The following SLC26A2 variants were observed in gnomAD, a reference collection of about 807,000 sequenced individuals.
SLC26A2 encodes the protein sulfate transporter.
In SLC26A2, 36 loss-of-function variants were observed where a neutral mutation model predicts 41.1. The observed-to-expected ratio is 0.88, with a 90% CI of 0.67 to 1.16. The LOEUF is 1.16. Among genes scored for constraint, SLC26A2 ranks in the 50% most tolerant of loss-of-function variants. SLC26A2 has a pLI of 0.00. For synonymous variants in SLC26A2, 291 were observed against 311.6 expected (o/e 0.93, Z 0.70); for missense variants, 796 against 869.6 (o/e 0.92, Z 1.07).
At position 149,980,958 on chromosome 5, in the gene SLC26A2, T is replaced by C; in HGVS notation, c.1365T>C (p.Leu455=). 1 of 1,614,176 alleles carries C rather than the reference T, an allele frequency of 6.2e-7. No individual in the cohort carries two copies. The highest frequency in any genetic ancestry group is 1.7e-5 in the Admixed American group (1 of 60,034). ...AATCAACAGGCTGCCATACTCAGCT[T>C]TCTGGTGTGGTAACAGCCCTGGTTC... ...VKESTGCHTQ[L]SGVVTALVLL... is the part of the protein sequence containing the mutation. The change falls in exon 3 of 3, where the codon CTT becomes CTC. Residue 455 remains leucine (L), a synonymous_variant. Coordinates refer to ENST00000286298, the MANE Select transcript of SLC26A2 (RefSeq NM_000112.4).
intron 1 of SLC26A2, among the ~76,000 whole-genome samples, chr5:149,971,335 T>G (rs1407874675): frequency 1.3e-5 from 2 of 152,182 alleles, no homozygotes; most frequent in Non-Finnish European, 2.9e-5. Flanking sequence ...AGTTAGAGGA[T>G]CCGATGGTAC....
intron 1 of SLC26A2, among the ~76,000 whole-genome samples, chr5:149,971,863 A>T (rs1754911829): frequency 6.6e-6 from 1 of 152,204 alleles, no homozygotes; most frequent in African/African-American, 2.4e-5. Context: ...ACTTTCTCAA[A>T]ATCTTTCAGG....
chr5:149,978,566 C>T lies in SLC26A2; in HGVS notation c.699+215C>T, dbSNP rs115196087. Among the ~76,000 whole-genome samples the T allele has an allele frequency of 1.4e-3, 207 of 152,242 alleles. 4 individuals carry two copies. In the South Asian group the frequency reaches 0.036, roughly 27 times the overall value. On this transcript the variant is annotated intron_variant, in intron 2 of 2. Coordinates refer to ENST00000286298, the MANE Select transcript of SLC26A2 (RefSeq NM_000112.4). ...GGACCTCCACCACCCAGTACAACTC[C>T]TTAATTTTACATGTCAGAAAATCTT... is the stretch of plus-strand genomic sequence containing the variant.
chr5:149,981,011 CT>C lies in SLC26A2; in HGVS notation c.1421del (p.Leu474CysfsTer12), dbSNP rs780990131. 1 of 1,614,112 alleles carries C rather than the reference CT, an allele frequency of 6.2e-7. No homozygotes were observed. Among genetic ancestry groups the C allele is most frequent in the Admixed American group, 1.7e-5 (1 of 60,024 alleles). On this transcript the variant is annotated frameshift_variant, in exon 3 of 3. Transcript: ENST00000286298. LOFTEE classifies it high-confidence loss of function. ...TTGTTGGTCCTCCTAGTAATAGCTC[CT>C]TTGTTCTATTCCCTTCAAAAAAGTG... ...VLLLVLLVIA[P>X]LFYSLQKSVL...
Position 149,978,010 on chromosome 5 carries a change from A to C in SLC26A2, c.358A>C (p.Ile120Leu), listed in dbSNP as rs1488632635. ...TGTGATGTCAGGCTTGATTGTGGGC[A>C]TATTATTGGTGCCCCAGTCCATTGC... is the stretch of plus-strand genomic sequence containing the variant. The part of the protein sequence containing the change: ...GDVMSGLIVG[I>L]LLVPQSIAYS... Residue 120 changes from isoleucine to leucine, a missense_variant, in exon 2 of 3, where the codon ATA becomes CTA. Ile to Leu is a conservative substitution (Grantham distance 5, BLOSUM62 2). Coordinates refer to ENST00000286298, the MANE Select transcript of SLC26A2 (RefSeq NM_000112.4). 2 of 1,614,152 alleles carry C rather than the reference A, an allele frequency of 1.2e-6. No individual in the cohort carries two copies. Among genetic ancestry groups the C allele is most frequent in the Non-Finnish European group, 1.7e-6 (2 of 1,180,002 alleles).
chr5:149,969,464 C>CA (rs1219304709), intron 1 of SLC26A2, among the ~76,000 whole-genome samples: 4 of 152,184 alleles, frequency 2.6e-5, no homozygotes, highest in Non-Finnish European at 1.5e-5. Flanking sequence ...AACCCAAAGT[C>CA]AGATTTTTTG....
rs1179056923 is a variant in SLC26A2 at position 149,982,799 on chromosome 5, T to C, written c.*986T>C. On this transcript the variant is annotated 3_prime_UTR_variant, in exon 3 of 3. Transcript: ENST00000286298. ...CTCTTCAAGTCACCTAAAGCTATTA[T>C]GCAGGAGGATTTAGAAGTCACATTC... 2 of 152,222 alleles carry C rather than the reference T, an allele frequency of 1.3e-5. No individual in the cohort carries two copies. The highest frequency in any genetic ancestry group is 2.9e-5 in the Non-Finnish European group (2 of 68,040). The allele number at this position is 152,222 out of a possible 1,614,324, so 9.4% of individuals were successfully genotyped here.
At chr5:149,971,087 A>G (rs1754891522) in intron 1 of SLC26A2, among the ~76,000 whole-genome samples, 1 of 152,246 alleles carries the variant, frequency 6.6e-6, no homozygotes, top group South Asian at 2.1e-4. Flanking sequence ...GGCCCATTTA[A>G]CACAGATGGA....
rs1160117603 is a variant in SLC26A2, at chr5:149,986,496, G to GT, written c.*4684dup. On this transcript the variant is annotated 3_prime_UTR_variant, in exon 3 of 3. Transcript: ENST00000286298. ...GGGATGGAGAATTTAGATGTCAGAGGTGGGGAGATTTATTTTTATAAGGTA... is the reference window on the plus strand; with the variant it reads ...GGGATGGAGAATTTAGATGTCAGAGGTTGGGGAGATTTATTTTTATAAGGTA... 3 of 152,134 alleles carry GT rather than the reference G, an allele frequency of 2.0e-5. No homozygotes were observed. Among genetic ancestry groups the GT allele is most frequent in the African/African-American group, 7.2e-5 (3 of 41,440 alleles). The allele number at this position is 152,134 out of a possible 1,614,324, so 9.4% of individuals were successfully genotyped here.
chr5:149,972,695 A>G (rs1486699409), intron 1 of SLC26A2, among the ~76,000 whole-genome samples: 1 of 152,198 alleles, frequency 6.6e-6, no homozygotes, highest in Non-Finnish European at 1.5e-5. Context: ...GTGGGTTTCA[A>G]GTAGACAGCA....
intron 1 of SLC26A2, among the ~76,000 whole-genome samples, chr5:149,976,240 T>G (rs1213794502): frequency 6.6e-6 from 1 of 152,188 alleles, no homozygotes. Context: ...AAATGTTTTG[T>G]AAGCCTGCTA....
At chr5:149,963,084 ATT>A (rs749031466) in intron 1 of SLC26A2, among the ~76,000 whole-genome samples, 19,297 of 72,672 alleles carry the variant, frequency 0.27, 1,308 homozygotes, top group Middle Eastern at 0.4. Context: ...GTGGTGCTAT[ATT>A]TATTTATTTA....
intron 2 of SLC26A2, 24 bp downstream of exon 2, chr5:149,978,375 T>C (rs1010887805): frequency 4.5e-6 from 7 of 1,561,866 alleles, no homozygotes; most frequent in Non-Finnish European, 6.1e-6. Context: ...AAACAATTGG[T>C]TATTTCTAGA....
chr5:149,980,208 T>C, intron 2 of SLC26A2, 85 bp from the exon 3 acceptor site: 1 of 1,007,124 alleles, frequency 9.9e-7, no homozygotes, highest in Admixed American at 1.7e-5. Context: ...TGATGATATG[T>C]CTCCATGCAA....
chr5:149,964,757 A>G (rs245053), intron 1 of SLC26A2, among the ~76,000 whole-genome samples: 34,161 of 151,948 alleles, frequency 0.22, 4,302 homozygotes, highest in South Asian at 0.39. Flanking sequence ...AGCCTGGGCA[A>G]CAGAGTGAGA....
chr5:149,969,702 A>G (rs1327112396), intron 1 of SLC26A2, among the ~76,000 whole-genome samples: 1 of 152,200 alleles, frequency 6.6e-6, no homozygotes, highest in African/African-American at 2.4e-5. Context: ...TTGGAATTGC[A>G]TAAAAACTAA....
intron 1 of SLC26A2, among the ~76,000 whole-genome samples, chr5:149,969,766 C>A (rs188787549): frequency 2.0e-5 from 3 of 152,224 alleles, no homozygotes; most frequent in African/African-American, 7.2e-5. Context: ...CTAGTGTGAC[C>A]TTTTCCTGGG....
intron 1 of SLC26A2, among the ~76,000 whole-genome samples, chr5:149,977,076 C>T (rs772381733): frequency 7.2e-5 from 11 of 152,206 alleles, no homozygotes; most frequent in Non-Finnish European, 1.2e-4. Context: ...TTGCTAAAAA[C>T]ATTTATCTTT....
chr5:149,967,275 A>C (rs1754821488), intron 1 of SLC26A2, among the ~76,000 whole-genome samples: 1 of 152,236 alleles, frequency 6.6e-6, no homozygotes, highest in African/African-American at 2.4e-5. Context: ...ACATACAATA[A>C]GCTGTACATA....
Sources: allele counts gnomAD v4.1 joint callset (sites outside exome capture counted in the v4.1 genomes callset), GRCh38; gene constraint gnomAD v4.1.1; transcripts MANE v1.5; gene names NCBI Gene and HGNC (gene_info 2026-07-23, HGNC 2026-07-21).